Variants in DNAJB4 observed in about 807,000 individuals in gnomAD.
DNAJB4 encodes DnaJ heat shock protein family (Hsp40) member B4.
In DNAJB4, 10 loss-of-function variants were observed where a neutral mutation model predicts 26.6. That is an observed-to-expected ratio of 0.38 (90% CI 0.23 to 0.64). DNAJB4 has a LOEUF of 0.64. Ranked by LOEUF, DNAJB4 falls within the 30% of genes least tolerant of loss-of-function variation. The pLI, the probability that DNAJB4 is intolerant of heterozygous loss-of-function variation, is 0.58. For synonymous variants in DNAJB4, 136 were observed against 134.8 expected (o/e 1.01, Z -0.06); for missense variants, 328 against 408.2 (o/e 0.80, Z 1.69).
At chr1:77,984,261 C>G (rs1407091755) in intron 1 of DNAJB4, among the ~76,000 whole-genome samples, 1 of 152,198 alleles carries the variant, frequency 6.6e-6, no homozygotes, top group Non-Finnish European at 1.5e-5. Context: ...CATTGAACTA[C>G]TTTCAATTGG....
intron 1 of DNAJB4, among the ~76,000 whole-genome samples, chr1:77,982,756 C>T (rs948623844): frequency 2.0e-5 from 3 of 152,202 alleles, no homozygotes; most frequent in African/African-American, 4.8e-5. Context: ...TGAGATCGCA[C>T]CACTGTACTC....
chr1:77,992,070 A>G (rs1659942585), intron 1 of DNAJB4, among the ~76,000 whole-genome samples: 1 of 152,152 alleles, frequency 6.6e-6, no homozygotes, highest in South Asian at 2.1e-4. Flanking sequence ...ATTTTATAGA[A>G]CATAACCATG....
upstream of DNAJB4, among the ~76,000 whole-genome samples, chr1:78,002,714 G>T (rs1557507172): frequency 6.6e-6 from 1 of 152,058 alleles, no homozygotes. Flanking sequence ...CAACAATCAC[G>T]TAATACAACA....
upstream of DNAJB4, among the ~76,000 whole-genome samples, chr1:78,003,872 G>C (rs1660251443): frequency 6.6e-6 from 1 of 152,090 alleles, no homozygotes; most frequent in Non-Finnish European, 1.5e-5. Flanking sequence ...AACAGAATTA[G>C]AAGTAAATAC....
At chr1:77,988,430 G>A (rs1215582061) in intron 1 of DNAJB4, among the ~76,000 whole-genome samples, 1 of 152,126 alleles carries the variant, frequency 6.6e-6, no homozygotes, top group African/African-American at 2.4e-5. Flanking sequence ...TCTTCCCTCA[G>A]AATGTAAGTC....
chr1:78,008,907 A>G (rs1660397235), intron 1 of DNAJB4, among the ~76,000 whole-genome samples: 1 of 152,174 alleles, frequency 6.6e-6, no homozygotes. Context: ...GATTTAAAAG[A>G]AAAGATTTTC....
At chr1:77,994,078 ATAGT>A (rs1236920743) in intron 1 of DNAJB4, among the ~76,000 whole-genome samples, 6 of 152,196 alleles carry the variant, frequency 3.9e-5, no homozygotes, top group Admixed American at 2.6e-4. Flanking sequence ...AAGTTAATTC[ATAGT>A]TAAAGTTTGG....
At chr1:78,011,151 G>T (rs1286647847) in intron 1 of DNAJB4, among the ~76,000 whole-genome samples, 1 of 152,072 alleles carries the variant, frequency 6.6e-6, no homozygotes, top group African/African-American at 2.4e-5. Context: ...CTTTCATAGT[G>T]GAAAATGTTG....
chr1:77,990,421 C>T (rs1390666015), intron 1 of DNAJB4, among the ~76,000 whole-genome samples: 1 of 152,168 alleles, frequency 6.6e-6, no homozygotes, highest in African/African-American at 2.4e-5. Flanking sequence ...TGTCTTCATC[C>T]ACGTTCAATT....
At chr1:78,005,727 C>T (rs1306946519) in intron 1 of DNAJB4, among the ~76,000 whole-genome samples, 1 of 152,170 alleles carries the variant, frequency 6.6e-6, no homozygotes, top group Non-Finnish European at 1.5e-5. Context: ...AGTCTTTAGT[C>T]ATTTAAAACC....
chr1:78,012,978 C>A, intron 1 of DNAJB4, 73 bp from the exon 2 acceptor site: 2 of 1,340,810 alleles, frequency 1.5e-6, no homozygotes, highest in South Asian at 1.6e-5. Context: ...AATTTATTAG[C>A]AATACAGTTT....
At chr1:77,983,674 A>G (rs1659723749) in intron 1 of DNAJB4, among the ~76,000 whole-genome samples, 1 of 152,190 alleles carries the variant, frequency 6.6e-6, no homozygotes, top group Admixed American at 6.5e-5. Flanking sequence ...CTGAGTTGAC[A>G]CAGCACATGT....
At chr1:77,992,198 G>T (rs536279976) in intron 1 of DNAJB4, among the ~76,000 whole-genome samples, 1 of 151,852 alleles carries the variant, frequency 6.6e-6, no homozygotes, top group Non-Finnish European at 1.5e-5. Context: ...CGGATCACGA[G>T]GTCAGGAGAT....
intron 1 of DNAJB4, among the ~76,000 whole-genome samples, chr1:77,994,558 GT>G (rs1660015675): frequency 6.7e-6 from 1 of 148,958 alleles, no homozygotes; most frequent in Admixed American, 6.7e-5. Context: ...TTTTTTTTCT[GT>G]GTACTCCTTA....
chr1:77,983,511 G>A (rs1262925242), intron 1 of DNAJB4, among the ~76,000 whole-genome samples: 1 of 152,196 alleles, frequency 6.6e-6, no homozygotes. Context: ...GACAATACCT[G>A]GCTTTCGTAG....
intron 1 of DNAJB4, among the ~76,000 whole-genome samples, chr1:77,994,051 G>A (rs1172185176): frequency 6.6e-6 from 1 of 152,134 alleles, no homozygotes; most frequent in African/African-American, 2.4e-5. Context: ...ATGTTTTAAT[G>A]GATGCAGTAT....
At chr1:77,987,036 C>T (rs1046599153) in intron 1 of DNAJB4, among the ~76,000 whole-genome samples, 2 of 152,186 alleles carry the variant, frequency 1.3e-5, no homozygotes, top group Non-Finnish European at 2.9e-5. Context: ...ATCTTATTAA[C>T]CTTGTCCTGA....
At chr1:78,012,816 CACAA>C (rs71695717) in intron 1 of DNAJB4, among the ~76,000 whole-genome samples, 107,588 of 151,338 alleles carry the variant, frequency 0.71, 39,657 homozygotes, top group Non-Finnish European at 0.82. Context: ...GTCTCAAAAA[CACAA>C]ACAAACAAAA....
chr1:78,002,444 A>G (rs1464312212), upstream of DNAJB4, among the ~76,000 whole-genome samples: 1 of 152,210 alleles, frequency 6.6e-6, no homozygotes, highest in African/African-American at 2.4e-5. Context: ...CCAAAATGCT[A>G]TGTACTTTTA....
Sources: gnomAD v4.1 joint callset for allele counts (sites outside exome capture counted in the v4.1 genomes callset) on GRCh38, gnomAD v4.1.1 for gene constraint, MANE v1.5 for transcripts, NCBI Gene and HGNC (gene_info 2026-07-23, HGNC 2026-07-21) for gene names.